USH2A: variants seen among roughly 807,000 people sequenced by gnomAD.
USH2A encodes the protein usherin.
USH2A carries 443 observed loss-of-function variants against 538.9 expected under a neutral mutation model. That is an observed-to-expected ratio of 0.82 (90% CI 0.76 to 0.89). The LOEUF is 0.89. Ranked by LOEUF, USH2A falls within the 40% of genes least tolerant of loss-of-function variation. The probability of loss-of-function intolerance (pLI) is 0.00; values close to 1 mark genes in which losing one functional copy is unlikely to be tolerated. For synonymous variants in USH2A, 2,413 were observed against 2,273.5 expected, an observed-to-expected ratio of 1.06 and a Z score of -1.75; for missense variants, 6,633 against 6,324.8, an observed-to-expected ratio of 1.05 and a Z score of -1.65.
At chr1:215,774,907 CT>C (rs201727746) in intron 55 of USH2A, among the ~76,000 whole-genome samples, 186 of 136,108 alleles carry the variant, frequency 1.4e-3, no homozygotes, top group Middle Eastern at 3.8e-3. Flanking sequence ...TTTTTTTTTT[CT>C]TTTTTTTTTT....
At chr1:215,632,409 A>T (rs185773925) in intron 70 of USH2A, among the ~76,000 whole-genome samples, 9 of 152,220 alleles carry the variant, frequency 5.9e-5, no homozygotes, top group African/African-American at 2.2e-4. Flanking sequence ...GTAACATAAC[A>T]TCTCCACAAG....
intron 43 of USH2A, among the ~76,000 whole-genome samples, chr1:215,876,688 GGAGCT>G (rs1403549503): frequency 1.3e-5 from 2 of 152,216 alleles, no homozygotes; most frequent in Non-Finnish European, 2.9e-5. Flanking sequence ...ATGTTACAGA[GGAGCT>G]GAATCAGACC....
Position 216,325,521 on chromosome 1 carries a change from C to T in USH2A, c.927G>A (p.Pro309=), listed in dbSNP as rs751443710. The T allele has an allele frequency of 1.4e-5, 22 of 1,613,616 alleles. No individual in the cohort carries two copies. The highest frequency in any genetic ancestry group is 2.2e-5 in the East Asian group (1 of 44,792). Residue 309 remains proline, a synonymous_variant, in exon 6 of 72, where the codon CCG becomes CCA. Coordinates refer to ENST00000307340, the MANE Select transcript of USH2A (RefSeq NM_206933.4). Reference sequence around the variant, plus strand: ...ACCGCTGTGCCAAAGGGTGGACCCGCGGGTGGCTGCCAGGGCAACGGCAAT... The same window carrying T: ...ACCGCTGTGCCAAAGGGTGGACCCGTGGGTGGCTGCCAGGGCAACGGCAAT... ...QSHCRCPGSH[P]RVHPLAQRYC... is the part of the protein sequence containing the mutation.
chr1:215,993,249 A>G, intron 34 of USH2A, 82 bp from the exon 35 acceptor site: 2 of 1,606,834 alleles, frequency 1.2e-6, no homozygotes, highest in Non-Finnish European at 1.7e-6. Flanking sequence ...ATTCATAATA[A>G]GAGTTTCAGA....
chr1:216,257,678 A>G (rs1571629577), intron 11 of USH2A, among the ~76,000 whole-genome samples: 1 of 151,942 alleles, frequency 6.6e-6, no homozygotes, highest in East Asian at 1.9e-4. Context: ...CTCCAATTAC[A>G]CATATACCAA....
intron 49 of USH2A, among the ~76,000 whole-genome samples, chr1:215,811,431 C>T (rs140229801): frequency 1.6e-4 from 24 of 152,238 alleles, no homozygotes; most frequent in African/African-American, 4.8e-4. Flanking sequence ...ATTTTTCACA[C>T]TCTTTATTCT....
At chr1:216,339,672 TA>T (rs2038037922) in intron 4 of USH2A, among the ~76,000 whole-genome samples, 1 of 151,842 alleles carries the variant, frequency 6.6e-6, no homozygotes, top group Admixed American at 6.6e-5. Flanking sequence ...GAGTTAAGAT[TA>T]AAAAACTCAC....
At chr1:216,035,744 A>T (rs1396066609) in intron 32 of USH2A, among the ~76,000 whole-genome samples, 1 of 152,074 alleles carries the variant, frequency 6.6e-6, no homozygotes, top group African/African-American at 2.4e-5. Context: ...ATTTATTGTT[A>T]TTTTCTCTAA....
chr1:215,907,780 T>C (rs1482668915), intron 38 of USH2A, among the ~76,000 whole-genome samples: 1 of 151,998 alleles, frequency 6.6e-6, no homozygotes, highest in Non-Finnish European at 1.5e-5. Flanking sequence ...GATACCATGG[T>C]GCCCAACACA....
At chr1:215,923,965 A>G (rs1028633166) in intron 38 of USH2A, among the ~76,000 whole-genome samples, 3 of 151,950 alleles carry the variant, frequency 2.0e-5, no homozygotes, top group African/African-American at 7.2e-5. Context: ...GAGCTCAACA[A>G]TCCTCCCACT....
intron 37 of USH2A, among the ~76,000 whole-genome samples, chr1:215,947,137 G>T (rs140538132): frequency 2.0e-5 from 3 of 150,958 alleles, no homozygotes; most frequent in African/African-American, 7.3e-5. Flanking sequence ...CGCCTCTCAC[G>T]TTCAAGTGAT....
intron 21 of USH2A, among the ~76,000 whole-genome samples, chr1:216,142,251 T>C (rs1320504619): frequency 6.6e-6 from 1 of 152,188 alleles, no homozygotes; most frequent in African/African-American, 2.4e-5. Context: ...TCTCACCACA[T>C]CATACCAACT....
intron 14 of USH2A, among the ~76,000 whole-genome samples, chr1:216,225,275 A>C (rs1029561857): frequency 1.3e-5 from 2 of 152,220 alleles, no homozygotes; most frequent in African/African-American, 4.8e-5. Flanking sequence ...ATGGAAAAAC[A>C]TTAAAAAGAA....
intron 3 of USH2A, among the ~76,000 whole-genome samples, chr1:216,405,002 A>G (rs1031059544): frequency 7.3e-5 from 11 of 150,984 alleles, no homozygotes; most frequent in African/African-American, 2.7e-4. Flanking sequence ...AGCCTCCCCC[A>G]TAGGTGGAAC....
Position 216,321,981 on chromosome 1 carries a change from A to G in USH2A, c.1551-5T>C, listed in dbSNP as rs770011395. ...GCATGACCATGGCACTGACATCTGC[A>G]AACATGAGCATCACACACTCCTAAG... is the stretch of plus-strand genomic sequence containing the variant. On this transcript the variant is annotated splice_region_variant and splice_polypyrimidine_tract_variant and intron_variant, in intron 8 of 71. Coordinates refer to ENST00000307340, the MANE Select transcript of USH2A (RefSeq NM_206933.4). 6.2e-7 allele frequency: 1 copy of G among 1,613,676 alleles called. No individual in the cohort carries two copies. The highest frequency in any genetic ancestry group is 1.3e-5 in the African/African-American group (1 of 74,912).
intron 37 of USH2A, among the ~76,000 whole-genome samples, chr1:215,942,414 G>A (rs1172432433): frequency 6.6e-6 from 1 of 152,126 alleles, no homozygotes; most frequent in East Asian, 1.9e-4. Flanking sequence ...GAGTAAACAA[G>A]GACATGAACA....
At chr1:216,237,530 A>AGTTCCAC (rs1240654202) in intron 13 of USH2A, among the ~76,000 whole-genome samples, 1 of 151,704 alleles carries the variant, frequency 6.6e-6, no homozygotes, top group Admixed American at 6.6e-5. Flanking sequence ...AAAAAGAAAA[A>AGTTCCAC]GTTCCACTCT....
chr1:215,647,517 C>A lies in USH2A; in HGVS notation c.14791+5G>T, dbSNP rs1235430504. On this transcript the variant is annotated splice_donor_5th_base_variant and intron_variant, in intron 67 of 71. Transcript: ENST00000307340. ...TGGCTTATGGTAGCAGCCACTTATA[C>A]TCACATTCTTTTTGGGTGGTGAAAC... The A allele has an allele frequency of 8.1e-6, 13 of 1,613,730 alleles. No homozygotes were observed. The highest frequency in any genetic ancestry group is 1.0e-5 in the Non-Finnish European group (12 of 1,179,910).
intron 37 of USH2A, among the ~76,000 whole-genome samples, chr1:215,951,580 C>G (rs1010677893): frequency 2.0e-5 from 3 of 152,076 alleles, no homozygotes; most frequent in Non-Finnish European, 4.4e-5. Flanking sequence ...CTGCTTGGTG[C>G]AGAGCTGAGT....
Sources: allele counts gnomAD v4.1 joint callset (sites outside exome capture counted in the v4.1 genomes callset), GRCh38; gene constraint gnomAD v4.1.1; transcripts MANE v1.5; gene names NCBI Gene and HGNC (gene_info 2026-07-23, HGNC 2026-07-21).